PPP1R1A: variants seen among roughly 807,000 people sequenced by gnomAD.
PPP1R1A encodes the protein protein phosphatase 1 regulatory inhibitor subunit 1A.
In PPP1R1A, 18 loss-of-function variants were observed where a neutral mutation model predicts 23.9. The ratio of observed to expected loss-of-function variants is 0.75; its 90% confidence interval spans 0.52 to 1.12. The LOEUF (loss-of-function observed/expected upper bound fraction) is 1.12. Among genes scored for constraint, PPP1R1A ranks in the 50% most tolerant of loss-of-function variants. The pLI, the probability that PPP1R1A is intolerant of heterozygous loss-of-function variation, is 0.00. For missense variants in PPP1R1A, 207 were observed against 223.8 expected (o/e 0.92, Z 0.48); for synonymous variants, 84 against 80.7 (o/e 1.04, Z -0.22).
chr12:54,584,513 C>T (rs546872667), intron 1 of PPP1R1A, among the ~76,000 whole-genome samples, 193 bp from the exon 2 acceptor site: 2 of 152,284 alleles, frequency 1.3e-5, no homozygotes, highest in African/African-American at 4.8e-5. Flanking sequence ...TGCGTGTTCT[C>T]ACTTATAAGT....
intron 1 of PPP1R1A, among the ~76,000 whole-genome samples, chr12:54,586,121 A>G (rs1957907692): frequency 6.6e-6 from 1 of 152,092 alleles, no homozygotes; most frequent in Non-Finnish European, 1.5e-5. Flanking sequence ...AGGAGGGTGG[A>G]GTGGCGATCA....
At chr12:54,588,256 A>ACAC in intron 1 of PPP1R1A, 149 bp downstream of exon 1, 1 of 180,668 alleles carries the variant, frequency 5.5e-6, no homozygotes, top group Non-Finnish European at 1.1e-5. Flanking sequence ...GGGACAGAAG[A>ACAC]CCCCCCCCCG....
Position 54,579,919 on chromosome 12 carries a change from T to G in PPP1R1A, c.*468A>C. 1.0e-6 allele frequency: 1 copy of G among 988,540 alleles called. No homozygotes were observed. The highest frequency in any genetic ancestry group is 1.2e-6 in the Non-Finnish European group (1 of 831,910). The allele number at this position is 988,540 out of a possible 1,614,324, so 61.2% of individuals were successfully genotyped here. The stretch of plus-strand genomic sequence containing the variant: ...ATGGAGCCCACCGCACAGTCACAGC[T>G]GGACACGGCACAGGCCTTAGAGCGC... On this transcript the variant is annotated 3_prime_UTR_variant, in exon 7 of 7. Transcript: ENST00000257905.
At chr12:54,584,716 C>A (rs41291987) in intron 1 of PPP1R1A, among the ~76,000 whole-genome samples, 5,689 of 152,112 alleles carry the variant, frequency 0.037, 137 homozygotes, top group Non-Finnish European at 0.06. Flanking sequence ...CATGTACCCC[C>A]CTGAATCTAA....
chr12:54,583,436 G>T (rs946477582), intron 2 of PPP1R1A, among the ~76,000 whole-genome samples, 188 bp from the exon 3 acceptor site: 1 of 152,162 alleles, frequency 6.6e-6, no homozygotes, highest in Admixed American at 6.5e-5. Flanking sequence ...CTGTGCTTCC[G>T]CTGCCTCCAT....
chr12:54,580,927 C>T lies in PPP1R1A; in HGVS notation c.510+17G>A. On this transcript the variant is annotated intron_variant, in intron 6 of 6. Transcript: ENST00000257905. ...CCTCCTCTCCTATGACCTGGCAGCC[C>T]AGCCCTGGGGTCTTACCGAGTTGGC... 6.3e-7 allele frequency: 1 copy of T among 1,594,138 alleles called. No individual in the cohort carries two copies.
Position 54,581,260 on chromosome 12 carries a change from A to G in PPP1R1A, c.404-210T>C, listed in dbSNP as rs1046267628. 2.0e-5 allele frequency among the ~76,000 whole-genome samples: 3 copies of G among 152,228 alleles called. No individual in the cohort carries two copies. The highest frequency in any genetic ancestry group is 4.4e-5 in the Non-Finnish European group (3 of 68,050). ...TTTAAAAAATCTTCAATCAAATTGGAAAGAATAAACCCTCTACAGTTTAAA... is the reference window on the plus strand; with the variant it reads ...TTTAAAAAATCTTCAATCAAATTGGGAAGAATAAACCCTCTACAGTTTAAA... On this transcript the variant is annotated intron_variant, in intron 5 of 6. Transcript: ENST00000257905. The surrounding 1 kb of genome is among the most constrained non-coding windows in gnomAD (Gnocchi z 4.1).
rs770016210 is a variant in PPP1R1A at position 54,580,980 on chromosome 12, G to A, written c.474C>T (p.Thr158=). 6 of 1,613,834 alleles carry A rather than the reference G, an allele frequency of 3.7e-6. No homozygotes were observed. In the African/African-American group the frequency reaches 6.7e-5, roughly 18 times the overall value. Residue 158 remains threonine (T), a synonymous_variant, in exon 6 of 7, where the codon ACC becomes ACT. Coordinates refer to ENST00000257905, the MANE Select transcript of PPP1R1A (RefSeq NM_006741.4). ...CCTTGGAATCCAGTGGTGGTATATG[G>A]GTTGAGGGTTCTTTTGTGCTGGGTT... is the stretch of plus-strand genomic sequence containing the variant. ...SKEPSTKEPS[T]HIPPLDSKGA...
chr12:54,580,555 C>T (rs980513955), intron 6 of PPP1R1A, among the ~76,000 whole-genome samples, 163 bp from the exon 7 acceptor site: 5 of 152,178 alleles, frequency 3.3e-5, no homozygotes, highest in Non-Finnish European at 7.3e-5. Flanking sequence ...CAGGGGGCTG[C>T]GGATTATGAA....
At chr12:54,588,316 G>T in intron 1 of PPP1R1A, 89 bp downstream of exon 1, 1 of 995,948 alleles carries the variant, frequency 1.0e-6, no homozygotes, top group South Asian at 2.0e-5. Flanking sequence ...TGCTAAGGGA[G>T]GACTAGGCAG....
rs61108169 is a variant in PPP1R1A at position 54,580,034 on chromosome 12, C to T, written c.*353G>A. The T allele has an allele frequency of 5.6e-3, 5,762 of 1,024,000 alleles. 254 individuals carry two copies. In the African/African-American group the frequency reaches 0.091, roughly 16 times the overall value. 63.4% of individuals were successfully genotyped at this position (1,024,000 alleles called of 1,614,324 possible). A position where few individuals can be genotyped will look rare whatever the true frequency, so the allele number is the denominator to read the frequency against. Reference sequence around the variant, plus strand: ...ACCTGGGGCTTTTCTTCCTTCTTGGCACCCTGGAAGTTAGTCCTCCCACCT... The same window carrying T: ...ACCTGGGGCTTTTCTTCCTTCTTGGTACCCTGGAAGTTAGTCCTCCCACCT... On this transcript the variant is annotated 3_prime_UTR_variant, in exon 7 of 7. Coordinates refer to ENST00000257905, the MANE Select transcript of PPP1R1A (RefSeq NM_006741.4).
Position 54,588,577 on chromosome 12 carries a change from C to A in PPP1R1A, c.-89G>T. The A allele has an allele frequency of 2.8e-6, 2 of 719,246 alleles. No individual in the cohort carries two copies. 44.6% of individuals were successfully genotyped at this position (719,246 alleles called of 1,614,324 possible). On this transcript the variant is annotated 5_prime_UTR_variant, in exon 1 of 7. Coordinates refer to ENST00000257905, the MANE Select transcript of PPP1R1A (RefSeq NM_006741.4). ...GGGGCGGGCGCGCTCCCTCTCCGCT[C>A]CGCTCCGGCCCCGGCCCCAGCCCGG...
At position 54,584,317 on chromosome 12, in the gene PPP1R1A, G is replaced by C; in HGVS notation, c.88C>G (p.Arg30Gly). 1.3e-6 allele frequency: 2 copies of C among 1,598,326 alleles called. No homozygotes were observed. Among genetic ancestry groups the C allele is most frequent in the Non-Finnish European group, 1.7e-6 (2 of 1,172,746 alleles). The stretch of plus-strand genomic sequence containing the variant: ...GTGGCAGGGGTGGGGCGGCGCCTCC[G>C]AATCTGAGGGAAGGTGGGAAATGGG... ...HLDPEAAEQI[R>G]RRRPTPATLV... Residue 30 changes from arginine (R) to glycine (G), a missense_variant, in exon 2 of 7, where the codon CGG (arginine) becomes GGG (glycine). By Grantham distance (125) the Arg-to-Gly change is moderately radical (BLOSUM62 -2). Transcript: ENST00000257905.
chr12:54,583,973 G>A (rs1957883909), intron 2 of PPP1R1A, among the ~76,000 whole-genome samples: 1 of 152,184 alleles, frequency 6.6e-6, no homozygotes, highest in Admixed American at 6.5e-5. Flanking sequence ...CATCTCAGTT[G>A]CTGGAGAAAT....
chr12:54,581,940 A>G lies in PPP1R1A; in HGVS notation c.403+36T>C. The G allele has an allele frequency of 1.3e-6, 2 of 1,581,092 alleles. No individual in the cohort carries two copies. The highest frequency in any genetic ancestry group is 1.7e-6 in the Non-Finnish European group (2 of 1,162,342). On this transcript the variant is annotated intron_variant, in intron 5 of 6. Transcript: ENST00000257905. The surrounding 1 kb of genome is among the most constrained non-coding windows in gnomAD (Gnocchi z 4.1). ...GGCTTGCCTCCTGCTGGGCTGGGAA[A>G]TAGGATGCCTGGGGCCCTCCCCAGC...
chr12:54,582,139 C>T lies in PPP1R1A; in HGVS notation c.248-8G>A. On this transcript the variant is annotated splice_region_variant and splice_polypyrimidine_tract_variant and intron_variant, in intron 4 of 6. Transcript: ENST00000257905. ...CAACCATCATCTGGAGCTCTGGGGA[C>T]ACAGAGAAAGGGAGGGAACACTGGA... is the stretch of plus-strand genomic sequence containing the variant. The T allele has an allele frequency of 6.2e-7, 1 of 1,610,450 alleles. No individual in the cohort carries two copies. The highest frequency in any genetic ancestry group is 2.2e-5 in the East Asian group (1 of 44,780).
intron 1 of PPP1R1A, 147 bp downstream of exon 1, chr12:54,588,258 C>A (rs1957930334): frequency 1.3e-5 from 3 of 235,310 alleles, no homozygotes; most frequent in South Asian, 1.5e-4. Context: ...GACAGAAGAC[C>A]CCCCCCCGCC....
At chr12:54,583,370 C>T (rs1957877640) in intron 2 of PPP1R1A, 122 bp from the exon 3 acceptor site, 2 of 975,176 alleles carry the variant, frequency 2.1e-6, no homozygotes, top group Admixed American at 3.8e-5. Context: ...CTCACATCTG[C>T]CCCCAGGCTC....
Position 54,581,026 on chromosome 12 carries a change from G to A in PPP1R1A, c.428C>T (p.Thr143Ile), listed in dbSNP as rs1232157393. Reference sequence around the variant, plus strand: ...GGGTTCCTTACTGCCTCTCTCGTGAGTTTTAGGGATGCATTCTGCAGTTTC... The same window carrying A: ...GGGTTCCTTACTGCCTCTCTCGTGAATTTTAGGGATGCATTCTGCAGTTTC... ...AKKTAECIPKTHERGSKEPST... is the reference protein window; with the variant it reads ...AKKTAECIPKIHERGSKEPST... Residue 143 changes from threonine (T) to isoleucine (I), a missense_variant, in exon 6 of 7, where the codon ACT becomes ATT. Transcript: ENST00000257905. The surrounding 1 kb of genome is among the most constrained non-coding windows in gnomAD (Gnocchi z 4.1). 6.2e-7 allele frequency: 1 copy of A among 1,611,952 alleles called. No homozygotes were observed. Among genetic ancestry groups the A allele is most frequent in the Non-Finnish European group, 8.5e-7 (1 of 1,178,586 alleles).
Sources: allele counts gnomAD v4.1 joint callset (sites outside exome capture counted in the v4.1 genomes callset), GRCh38; gene constraint gnomAD v4.1.1; non-coding constraint Gnocchi (gnomAD v3.1); transcripts MANE v1.5; gene names NCBI Gene and HGNC (gene_info 2026-07-23, HGNC 2026-07-21).